The following GSE1 variants were observed in gnomAD, a reference collection of about 807,000 sequenced individuals.
The protein encoded by GSE1 is Gse1 coiled-coil protein, also known as genetic suppressor element 1.
A neutral mutation model predicts 112.6 loss-of-function variants in GSE1; 32 were observed. The observed-to-expected ratio is 0.28, with a 90% CI of 0.21 to 0.38. GSE1 has a LOEUF of 0.38. Among genes scored for constraint, GSE1 ranks in the 10% least tolerant of loss-of-function variants. The pLI is 1.00. For missense variants in GSE1, 2,348 were observed against 1,699.2 expected (o/e 1.38, Z -6.71); for synonymous variants, 1,115 against 735.6 (o/e 1.52, Z -8.35).
chr16:85,514,209 G>GTCTCCCC (rs200303439), intron 2 of GSE1, among the ~76,000 whole-genome samples: 3,057 of 129,670 alleles, frequency 0.024, 60 homozygotes, highest in South Asian at 0.099. Context: ...CTCCTCTTCT[G>GTCTCCCC]TCTCCCCTCT....
intron 1 of GSE1, among the ~76,000 whole-genome samples, chr16:85,343,178 A>G (rs1472770443): frequency 1.3e-5 from 2 of 152,190 alleles, no homozygotes; most frequent in Non-Finnish European, 2.9e-5. Flanking sequence ...CAATGAAAAG[A>G]AACAAAGCAT....
Position 85,448,981 on chromosome 16 carries a change from C to T in GSE1, c.2464+91338C>T, listed in dbSNP as rs189101281. 2.9e-3 allele frequency among the ~76,000 whole-genome samples: 443 copies of T among 152,328 alleles called. 4 individuals are homozygous for T. The highest frequency in any genetic ancestry group is 0.01 in the African/African-American group (424 of 41,568). ...TTGCCTCTCCCCGCCCCTCCACCCG[C>T]TCAGCCCTCACTCGCCTGAGCAGGA... On this transcript the variant is annotated intron_variant, in intron 2 of 2. Coordinates refer to the GSE1 transcript ENST00000637419.
intron 1 of GSE1, among the ~76,000 whole-genome samples, chr16:85,336,812 GGC>G (rs2046497234): frequency 6.6e-6 from 1 of 152,084 alleles, no homozygotes; most frequent in South Asian, 2.1e-4. Flanking sequence ...TCACACACAA[GGC>G]ACTCATATGT....
intron 1 of GSE1, chr16:85,171,883 C>A: frequency 2.4e-6 from 2 of 826,214 alleles, no homozygotes; most frequent in South Asian, 5.5e-5. Context: ...GTTTTCTGTT[C>A]CTCAGAAAAA....
chr16:85,516,526 C>A (rs1249639784), intron 2 of GSE1, among the ~76,000 whole-genome samples: 3 of 141,764 alleles, frequency 2.1e-5, no homozygotes, highest in African/African-American at 8.0e-5. Context: ...GTCGAGTTTG[C>A]ACTGAGACAT....
chr16:85,480,377 G>C (rs2050633554), intron 2 of GSE1, among the ~76,000 whole-genome samples: 1 of 152,212 alleles, frequency 6.6e-6, no homozygotes, highest in African/African-American at 2.4e-5. Flanking sequence ...CCTTGCGGCA[G>C]GGGGCGCGCG....
At chr16:85,396,769 G>A (rs551646082) in intron 2 of GSE1, among the ~76,000 whole-genome samples, 87 of 152,232 alleles carry the variant, frequency 5.7e-4, no homozygotes, top group Admixed American at 8.5e-4. Context: ...TGAGGGTGGC[G>A]GCAGGGGAGG....
intron 1 of GSE1, among the ~76,000 whole-genome samples, chr16:85,563,462 A>G (rs140023507): frequency 1.4e-3 from 212 of 152,272 alleles, no homozygotes; most frequent in African/African-American, 4.3e-3. Context: ...CTCAGCCCCA[A>G]TTACAGCTGT....
At position 85,648,847 on chromosome 16, in the gene GSE1, A is replaced by G. The variant is rs571304285; in HGVS notation, c.426+96A>G. On this transcript the variant is annotated intron_variant, in intron 3 of 15. Coordinates refer to ENST00000253458, the MANE Select transcript of GSE1 (RefSeq NM_014615.5). ...CTCTGGAGCTTTCGAGGTTGAGTTT[A>G]CATTCCAGACACCCCCTCCCCCACC... The G allele has an allele frequency of 2.3e-4, 148 of 646,352 alleles. No individual in the cohort carries two copies. The African/African-American group carries it at 2.6e-3, about 11-fold the overall frequency. The allele number at this position is 646,352 out of a possible 1,614,324, so 40.0% of individuals were successfully genotyped here.
intron 2 of GSE1, among the ~76,000 whole-genome samples, chr16:85,430,053 C>T (rs1406028083): frequency 6.6e-6 from 1 of 152,230 alleles, no homozygotes; most frequent in Non-Finnish European, 1.5e-5. Context: ...ACCTCCTAGT[C>T]CTCGGGGAAT....
chr16:85,454,850 C>T (rs902088807), intron 2 of GSE1, among the ~76,000 whole-genome samples: 2 of 152,176 alleles, frequency 1.3e-5, no homozygotes, highest in Admixed American at 6.5e-5. Flanking sequence ...TTAGGGCCCA[C>T]CCTAATCTAG....
At chr16:85,277,757 G>A (rs976675797) in intron 1 of GSE1, among the ~76,000 whole-genome samples, 7 of 152,216 alleles carry the variant, frequency 4.6e-5, no homozygotes, top group Non-Finnish European at 1.0e-4. Context: ...GCTGAGGCCT[G>A]CTTCTCCGTT....
At chr16:85,279,690 C>T (rs1474233521) in intron 1 of GSE1, among the ~76,000 whole-genome samples, 3 of 152,164 alleles carry the variant, frequency 2.0e-5, no homozygotes, top group East Asian at 3.9e-4. Flanking sequence ...AATGGTGCTG[C>T]CCGGCCTGCT....
chr16:85,343,987 C>T (rs901737495), intron 1 of GSE1, among the ~76,000 whole-genome samples: 3 of 152,192 alleles, frequency 2.0e-5, no homozygotes, highest in Non-Finnish European at 4.4e-5. Context: ...CCATTCCCCG[C>T]GCCTGAAACA....
intron 2 of GSE1, among the ~76,000 whole-genome samples, chr16:85,511,483 G>A (rs2051744085): frequency 6.7e-6 from 1 of 149,922 alleles, no homozygotes; most frequent in Non-Finnish European, 1.5e-5. Context: ...AGTCGAGATT[G>A]TGCCATTGCA....
chr16:85,199,209 G>A (rs187579710), intron 1 of GSE1, among the ~76,000 whole-genome samples: 18 of 152,136 alleles, frequency 1.2e-4, no homozygotes, highest in African/African-American at 4.1e-4. Flanking sequence ...CGCCCGCCTC[G>A]GCTTCTCAGA....
intron 2 of GSE1, 45 bp downstream of exon 2, chr16:85,634,177 CGAGG>C: frequency 7.6e-7 from 1 of 1,314,230 alleles, no homozygotes; most frequent in African/African-American, 1.6e-5. Context: ...CGGCGGCTCC[CGAGG>C]CCGGGACTCA....
chr16:85,515,654 G>C (rs973848620), intron 2 of GSE1, among the ~76,000 whole-genome samples: 11 of 151,858 alleles, frequency 7.2e-5, no homozygotes, highest in Non-Finnish European at 1.5e-4. Context: ...CGTGGAGGGC[G>C]GGGGCTGGAG....
intron 1 of GSE1, among the ~76,000 whole-genome samples, chr16:85,295,051 A>T (rs1354440056): frequency 6.6e-6 from 1 of 151,840 alleles, no homozygotes; most frequent in Non-Finnish European, 1.5e-5. Context: ...TCTCCACCAA[A>T]TCACCTCCTA....
Sources: allele counts gnomAD v4.1 joint callset (sites outside exome capture counted in the v4.1 genomes callset), GRCh38; gene constraint gnomAD v4.1.1; transcripts MANE v1.5; gene names NCBI Gene and HGNC (gene_info 2026-07-23, HGNC 2026-07-21).